Variants in ARF4 observed in about 807,000 individuals in gnomAD.
ARF4 encodes the protein ADP-ribosylation factor 4.
In ARF4, 5 loss-of-function variants were observed where a neutral mutation model predicts 24.3. That is an observed-to-expected ratio of 0.21 (90% confidence interval 0.11 to 0.43). The LOEUF is 0.43. Ranked by LOEUF, ARF4 falls within the 20% of genes least tolerant of loss-of-function variation. ARF4 has a pLI of 1.00. For missense variants in ARF4, 107 were observed against 213.0 expected (o/e 0.50, Z 3.10); for synonymous variants, 62 against 73.5 (o/e 0.84, Z 0.80).
chr3:57,575,552 C>A lies in ARF4; in HGVS notation c.452G>T (p.Arg151Ile). ...DKLGLQSLRNRTWYVQATCAT... is the reference protein window; with the variant it reads ...DKLGLQSLRNITWYVQATCAT... ...TATCAACCTCCAAATACTTACTGTT[C>A]TGTTACGAAGAGACTGAAGCCCTAG... The change falls in exon 5 of 6, where the codon AGA becomes ATA. Residue 151 changes from arginine (R) to isoleucine (I), a missense_variant. Physicochemically the swap from Arg to Ile is moderately conservative, Grantham distance 97 (BLOSUM62 -3). Coordinates refer to ENST00000303436, the MANE Select transcript of ARF4 (RefSeq NM_001660.4). 6.2e-7 allele frequency: 1 copy of A among 1,610,466 alleles called. No homozygotes were observed. The highest frequency in any genetic ancestry group is 1.1e-5 in the South Asian group (1 of 90,334).
At chr3:57,586,048 GA>G (rs1267518727) in intron 1 of ARF4, among the ~76,000 whole-genome samples, 1 of 152,200 alleles carries the variant, frequency 6.6e-6, no homozygotes, top group Non-Finnish European at 1.5e-5. Flanking sequence ...ACTAGAACAA[GA>G]GGCTATACCT....
At chr3:57,578,804 A>C (rs2069936643) in intron 3 of ARF4, among the ~76,000 whole-genome samples, 1 of 152,130 alleles carries the variant, frequency 6.6e-6, no homozygotes, top group African/African-American at 2.4e-5. Flanking sequence ...ATACTACAAA[A>C]TAAATGGAAG....
chr3:57,575,782 C>T, intron 4 of ARF4, 109 bp from the exon 5 acceptor site: 1 of 1,219,870 alleles, frequency 8.2e-7, no homozygotes, highest in African/African-American at 1.6e-5. Context: ...AAACATTAAC[C>T]TAATTTCTCG....
At chr3:57,584,548 C>A in intron 1 of ARF4, 84 bp from the exon 2 acceptor site, 1 of 1,244,452 alleles carries the variant, frequency 8.0e-7, no homozygotes. Flanking sequence ...TAGTTCAAAA[C>A]TAGAAGTTGA....
At chr3:57,592,720 T>A (rs1178491967) in intron 1 of ARF4, among the ~76,000 whole-genome samples, 8 of 152,192 alleles carry the variant, frequency 5.3e-5, no homozygotes, top group South Asian at 2.1e-4. Context: ...GCCAGTGGCA[T>A]GAAACAGGAT....
At chr3:57,581,369 T>C (rs1289268345) in intron 3 of ARF4, among the ~76,000 whole-genome samples, 1 of 152,162 alleles carries the variant, frequency 6.6e-6, no homozygotes, top group Non-Finnish European at 1.5e-5. Flanking sequence ...AGGCCAGAAT[T>C]GGGTCTAATT....
At chr3:57,582,755 A>AAAC (rs1553730425) in intron 3 of ARF4, among the ~76,000 whole-genome samples, 2 of 151,470 alleles carry the variant, frequency 1.3e-5, no homozygotes, top group African/African-American at 4.9e-5. Context: ...AAAAAAAATT[A>AAAC]TTAAGTAATA....
chr3:57,593,015 G>A (rs1012833661), intron 1 of ARF4, among the ~76,000 whole-genome samples: 12 of 152,058 alleles, frequency 7.9e-5, no homozygotes, highest in African/African-American at 2.2e-4. Flanking sequence ...GATCAGCTGG[G>A]CAACAGAGCA....
At chr3:57,596,280 T>C (rs1422567733) in intron 1 of ARF4, among the ~76,000 whole-genome samples, 2 of 152,236 alleles carry the variant, frequency 1.3e-5, no homozygotes, top group Non-Finnish European at 2.9e-5. Context: ...TTCAGTTACT[T>C]GAAAATTTAT....
Position 57,577,846 on chromosome 3 carries a change from G to T in ARF4, c.259-459C>A, listed in dbSNP as rs72872577. Among the ~76,000 whole-genome samples, 1,030 of 152,050 alleles carry T rather than the reference G, an allele frequency of 6.8e-3. 13 individuals are homozygous for T. Among genetic ancestry groups the T allele is most frequent in the African/African-American group, 0.023 (957 of 41,436 alleles). On this transcript the variant is annotated intron_variant, in intron 3 of 5. Coordinates refer to ENST00000303436, the MANE Select transcript of ARF4 (RefSeq NM_001660.4). ...CAGGCCTGAAATTGCTTGAACTCAG[G>T]AGTTTGAGACCAGCCTGGGCAACAT...
At chr3:57,593,936 C>A (rs981168425) in intron 1 of ARF4, among the ~76,000 whole-genome samples, 1 of 151,724 alleles carries the variant, frequency 6.6e-6, no homozygotes, top group Non-Finnish European at 1.5e-5. Context: ...GGAAAAAAAA[C>A]ATAATTATTT....
chr3:57,572,162 G>A lies in ARF4; in HGVS notation c.*50C>T. 1 of 1,464,966 alleles carries A rather than the reference G, an allele frequency of 6.8e-7. No individual in the cohort carries two copies. Among genetic ancestry groups the A allele is most frequent in the Non-Finnish European group, 9.6e-7 (1 of 1,045,206 alleles). 90.7% of individuals were successfully genotyped at this position (1,464,966 alleles called of 1,614,324 possible). ...ATACAAACTAATTTTGTTGTAACAAGCCTAGACCAATTTTATCAAACATGT... is the reference window on the plus strand; with the variant it reads ...ATACAAACTAATTTTGTTGTAACAAACCTAGACCAATTTTATCAAACATGT... On this transcript the variant is annotated 3_prime_UTR_variant, in exon 6 of 6. Coordinates refer to ENST00000303436, the MANE Select transcript of ARF4 (RefSeq NM_001660.4).
intron 1 of ARF4, among the ~76,000 whole-genome samples, chr3:57,592,419 C>T (rs529924699): frequency 3.4e-4 from 52 of 152,086 alleles, no homozygotes; most frequent in African/African-American, 1.2e-3. Flanking sequence ...ACCCAGGAGG[C>T]GGAGGTTGCA....
At chr3:57,572,445 C>A (rs140456969) in intron 5 of ARF4, 147 bp from the exon 6 acceptor site, 2 of 596,654 alleles carry the variant, frequency 3.4e-6, no homozygotes, top group Non-Finnish European at 5.8e-6. Flanking sequence ...TCTGGCTGGG[C>A]GTGGTGGCTC....
intron 1 of ARF4, 115 bp downstream of exon 1, chr3:57,596,959 C>G (rs1434106932): frequency 1.7e-6 from 2 of 1,171,206 alleles, no homozygotes; most frequent in African/African-American, 3.1e-5. Context: ...GACCCCCGAC[C>G]CGGCGCCCCT....
chr3:57,576,504 CTTTTTTTTTT>C (rs376750506), intron 4 of ARF4, among the ~76,000 whole-genome samples: 3 of 101,616 alleles, frequency 3.0e-5, no homozygotes, highest in Non-Finnish European at 3.9e-5. Flanking sequence ...CTCAACCAAG[CTTTTTTTTTT>C]TTTTTTTTTT....
chr3:57,594,466 T>C (rs2070157518), intron 1 of ARF4, among the ~76,000 whole-genome samples: 1 of 152,204 alleles, frequency 6.6e-6, no homozygotes, highest in African/African-American at 2.4e-5. Flanking sequence ...TAGTACATAA[T>C]TTCTGTCAAT....
Position 57,571,689 on chromosome 3 carries a change from G to A in ARF4, c.*523C>T, listed in dbSNP as rs1260479605. On this transcript the variant is annotated 3_prime_UTR_variant, in exon 6 of 6. Coordinates refer to ENST00000303436, the MANE Select transcript of ARF4 (RefSeq NM_001660.4). The stretch of plus-strand genomic sequence containing the variant: ...TAAGTTTGGCTGATGTAGGCCAGGA[G>A]TCAATGTAGGGGGAAAAATTTCCTC... 2 of 153,098 alleles carry A rather than the reference G, an allele frequency of 1.3e-5. No individual in the cohort carries two copies. The highest frequency in any genetic ancestry group is 2.9e-5 in the Non-Finnish European group (2 of 68,368). The allele number at this position is 153,098 out of a possible 1,614,324, so 9.5% of individuals were successfully genotyped here.
intron 1 of ARF4, among the ~76,000 whole-genome samples, chr3:57,593,237 A>G (rs1008034229): frequency 1.3e-5 from 2 of 152,156 alleles, no homozygotes; most frequent in African/African-American, 4.8e-5. Flanking sequence ...AATAAGGCTG[A>G]GAGTAAATAT....
Sources: gnomAD v4.1 joint callset for allele counts (sites outside exome capture counted in the v4.1 genomes callset) on GRCh38, gnomAD v4.1.1 for gene constraint, MANE v1.5 for transcripts, NCBI Gene and HGNC (gene_info 2026-07-23, HGNC 2026-07-21) for gene names.